Variants in OAS2 observed in about 807,000 individuals in gnomAD.
OAS2 encodes the protein 2'-5'-oligoadenylate synthase 2.
Under a neutral mutation model 71.3 loss-of-function variants are expected in OAS2, and 67 were observed. The ratio of observed to expected loss-of-function variants is 0.94; its 90% CI spans 0.77 to 1.15. The LOEUF is 1.15. OAS2 is among the 50% of genes most tolerant of loss of function. The pLI, the probability that OAS2 is intolerant of heterozygous loss-of-function variation, is 0.00. For missense variants in OAS2, 789 were observed against 822.5 expected, an observed-to-expected ratio of 0.96 and a Z score of 0.50; for synonymous variants, 327 against 321.8, an observed-to-expected ratio of 1.02 and a Z score of -0.17.
chr12:113,011,429 C>A lies in OAS2; in HGVS notation c.*2174C>A, dbSNP rs1022505213. The A allele has an allele frequency of 2.0e-5, 3 of 152,174 alleles. No individual in the cohort carries two copies. The highest frequency in any genetic ancestry group is 6.5e-5 in the Admixed American group (1 of 15,268). The allele number at this position is 152,174 out of a possible 1,614,324, so 9.4% of individuals were successfully genotyped here. ...CATTGGAATTTTCAGCCCCATCCCA[C>A]CCCCAATCTCCAAGGAGGTGATGGG... On this transcript the variant is annotated 3_prime_UTR_variant, in exon 10 of 10. Transcript: ENST00000392583.
chr12:112,990,627 C>T (rs2044182737), intron 2 of OAS2, among the ~76,000 whole-genome samples: 1 of 152,228 alleles, frequency 6.6e-6, no homozygotes, highest in African/African-American at 2.4e-5. Flanking sequence ...AATTTTTCCA[C>T]AGGACACAGC....
intron 5 of OAS2, among the ~76,000 whole-genome samples, chr12:112,999,105 G>T (rs2044261688): frequency 6.6e-6 from 1 of 152,222 alleles, no homozygotes; most frequent in Non-Finnish European, 1.5e-5. Context: ...CAGAGAAGGG[G>T]GTGGCAGTCA....
intron 5 of OAS2, among the ~76,000 whole-genome samples, chr12:112,999,188 C>T (rs571654908): frequency 6.6e-5 from 10 of 152,230 alleles, no homozygotes; most frequent in East Asian, 1.9e-4. Context: ...GAAGTGCGGC[C>T]GAAACAAGAG....
chr12:112,986,437 G>A (rs1485430549), intron 1 of OAS2, among the ~76,000 whole-genome samples: 3 of 152,134 alleles, frequency 2.0e-5, no homozygotes, highest in African/African-American at 4.8e-5. Context: ...CTCAAGTGGT[G>A]TACACAGGCA....
chr12:113,002,085 T>G (rs1022771773), intron 5 of OAS2, among the ~76,000 whole-genome samples: 2 of 152,142 alleles, frequency 1.3e-5, no homozygotes, highest in Non-Finnish European at 1.5e-5. Context: ...TGTTGGGTTC[T>G]ATGCTCACTA....
chr12:112,999,691 C>T (rs1295771918), intron 5 of OAS2, among the ~76,000 whole-genome samples: 1 of 152,204 alleles, frequency 6.6e-6, no homozygotes, highest in Non-Finnish European at 1.5e-5. Flanking sequence ...TCTTTGCTCT[C>T]TGACCCCAAT....
At chr12:112,994,033 T>C (rs2044214246) in intron 2 of OAS2, among the ~76,000 whole-genome samples, 1 of 152,062 alleles carries the variant, frequency 6.6e-6, no homozygotes, top group Admixed American at 6.5e-5. Flanking sequence ...AGCTTGAAAC[T>C]TACATTTGTT....
chr12:113,005,580 C>A (rs1277411068), intron 7 of OAS2, among the ~76,000 whole-genome samples: 1 of 151,046 alleles, frequency 6.6e-6, no homozygotes. Context: ...ACAAAACAAG[C>A]AGTTGGGCTG....
intron 9 of OAS2, among the ~76,000 whole-genome samples, chr12:113,008,857 C>T (rs1274554141): frequency 6.6e-6 from 1 of 152,094 alleles, no homozygotes; most frequent in Non-Finnish European, 1.5e-5. Flanking sequence ...GAACTCCTGG[C>T]CCTCAAGTGA....
Position 112,998,334 on chromosome 12 carries a change from T to C in OAS2, c.932T>C (p.Leu311Pro). 3.1e-6 allele frequency: 5 copies of C among 1,608,580 alleles called. No homozygotes were observed. Among genetic ancestry groups the C allele is most frequent in the Non-Finnish European group, 4.2e-6 (5 of 1,178,742 alleles). ...VSGDKICWQW[L>P]KKEAQTWLTS... ...GGAGATAAAATATGCTGGCAATGGC[T>C]GAAAAAAGAAGCTCAAACCTGGTTG... The change falls in exon 5 of 10, where the codon CTG becomes CCG. Residue 311 changes from leucine to proline, a missense_variant. Coordinates refer to ENST00000392583, the MANE Select transcript of OAS2 (RefSeq NM_002535.3).
At chr12:112,994,532 A>G (rs2044219100) in intron 2 of OAS2, among the ~76,000 whole-genome samples, 1 of 152,082 alleles carries the variant, frequency 6.6e-6, no homozygotes. Context: ...AGGAGTTCGC[A>G]TGCCTTAGCC....
At chr12:112,982,627 T>C (rs1323833706) in intron 1 of OAS2, among the ~76,000 whole-genome samples, 1 of 152,216 alleles carries the variant, frequency 6.6e-6, no homozygotes, top group Non-Finnish European at 1.5e-5. Flanking sequence ...TATTGGCCTG[T>C]AGTTTTCTTT....
intron 1 of OAS2, among the ~76,000 whole-genome samples, chr12:112,979,819 A>C (rs2044063269): frequency 6.6e-6 from 1 of 152,182 alleles, no homozygotes; most frequent in Non-Finnish European, 1.5e-5. Flanking sequence ...CTAACAGCAT[A>C]GACACGTTTT....
chr12:112,987,130 G>A lies in OAS2; in HGVS notation c.270G>A (p.Gln90=). The A allele has an allele frequency of 3.1e-6, 5 of 1,614,210 alleles. No homozygotes were observed. Among genetic ancestry groups the A allele is most frequent in the Non-Finnish European group, 3.4e-6 (4 of 1,180,034 alleles). Residue 90 remains glutamine (Q), a synonymous_variant, in exon 2 of 10, where the codon CAG becomes CAA. Transcript: ENST00000392583. ...FFSDLKQFQD[Q]KRSQRDILDK... ...GTGACTTAAAACAATTCCAGGATCA[G>A]AAGAGAAGCCAACGTGACATCCTCG...
rs964320576 is a variant in OAS2, at chr12:113,010,229, T to C, written c.*974T>C. ...GGGGTTAGCTCTAATTATTAAGATA[T>C]GCATTATAAATAAATACCAAAAAAT... On this transcript the variant is annotated 3_prime_UTR_variant, in exon 10 of 10. Transcript: ENST00000392583. The C allele has an allele frequency of 3.4e-5, 50 of 1,465,618 alleles. No individual in the cohort carries two copies. Among genetic ancestry groups the C allele is most frequent in the Non-Finnish European group, 3.9e-5 (44 of 1,116,434 alleles). 90.8% of individuals were successfully genotyped at this position (1,465,618 alleles called of 1,614,324 possible).
chr12:113,009,046 G>A (rs774700217), intron 9 of OAS2, 41 bp from the exon 10 acceptor site: 1 of 1,584,862 alleles, frequency 6.3e-7, no homozygotes, highest in South Asian at 1.2e-5. Context: ...TGAAGTCACT[G>A]GGATTTGGAA....
chr12:112,986,532 C>G (rs1167817652), intron 1 of OAS2, among the ~76,000 whole-genome samples: 4 of 152,156 alleles, frequency 2.6e-5, no homozygotes, highest in Non-Finnish European at 5.9e-5. Flanking sequence ...TGGGCCCATC[C>G]TTAGGCCTCT....
At chr12:113,005,419 G>A (rs1027341269) in intron 7 of OAS2, among the ~76,000 whole-genome samples, 197 bp downstream of exon 7, 3 of 152,052 alleles carry the variant, frequency 2.0e-5, no homozygotes, top group Non-Finnish European at 2.9e-5. Context: ...GCATGGGGCT[G>A]TGTGCCTATA....
In OAS2 at chr12:113,010,166, T is replaced by G; in HGVS notation, c.*911T>G. On this transcript the variant is annotated 3_prime_UTR_variant, in exon 10 of 10. Coordinates refer to ENST00000392583, the MANE Select transcript of OAS2 (RefSeq NM_002535.3). The stretch of plus-strand genomic sequence containing the variant: ...CTAGAGGAACCCTACACCCCAACCC[T>G]GGGGGGAATGTAGGGAAGAGGTGGC... 7.6e-7 allele frequency: 1 copy of G among 1,316,920 alleles called. No individual in the cohort carries two copies. Among genetic ancestry groups the G allele is most frequent in the Non-Finnish European group, 9.7e-7 (1 of 1,033,082 alleles). The allele number at this position is 1,316,920 out of a possible 1,614,324, so 81.6% of individuals were successfully genotyped here.
Sources: gnomAD v4.1 joint callset for allele counts (sites outside exome capture counted in the v4.1 genomes callset) on GRCh38, gnomAD v4.1.1 for gene constraint, MANE v1.5 for transcripts, NCBI Gene and HGNC (gene_info 2026-07-23, HGNC 2026-07-21) for gene names.